Variants in QSER1 observed in about 807,000 individuals in gnomAD.
QSER1 encodes the protein glutamine and serine rich 1, also known as glutamine and serine-rich protein 1.
A neutral mutation model predicts 158.5 loss-of-function variants in QSER1; 49 were observed. That is an observed-to-expected ratio of 0.31 (90% CI 0.25 to 0.39). The LOEUF (loss-of-function observed/expected upper bound fraction) is 0.39, where lower values mean the gene tolerates loss of function less well. Among genes scored for constraint, QSER1 ranks in the 10% least tolerant of loss-of-function variants. The pLI is 1.00. For missense variants in QSER1, 1,754 were observed against 2,010.3 expected (o/e 0.87, Z 2.44); for synonymous variants, 650 against 715.5 (o/e 0.91, Z 1.46).
chr11:32,938,209 T>C (rs760818816), intron 4 of QSER1, among the ~76,000 whole-genome samples: 6 of 152,182 alleles, frequency 3.9e-5, no homozygotes, highest in Non-Finnish European at 8.8e-5. Flanking sequence ...AGTCAGTATA[T>C]AGTAACCTCT....
intron 10 of QSER1, among the ~76,000 whole-genome samples, chr11:32,971,172 C>T (rs1018988185): frequency 2.6e-5 from 4 of 151,938 alleles, no homozygotes; most frequent in Non-Finnish European, 5.9e-5. Flanking sequence ...CCTGCCTCTG[C>T]CTCCCAAAGT....
chr11:32,967,487 GT>G (rs34954676), intron 9 of QSER1, among the ~76,000 whole-genome samples: 14,660 of 151,940 alleles, frequency 0.096, 948 homozygotes, highest in Non-Finnish European at 0.14. Context: ...TTTTTAAAAA[GT>G]TTTTTTTAAA....
At chr11:32,906,298 T>C (rs1036360683) in intron 1 of QSER1, among the ~76,000 whole-genome samples, 1 of 152,054 alleles carries the variant, frequency 6.6e-6, no homozygotes, top group Non-Finnish European at 1.5e-5. Flanking sequence ...GGTGCATGCC[T>C]GTAATCCCAG....
rs761061385 is a variant in QSER1, at chr11:32,935,207, T to G, written c.3949T>G (p.Cys1317Gly). 6.2e-7 allele frequency: 1 copy of G among 1,614,024 alleles called. No individual in the cohort carries two copies. The highest frequency in any genetic ancestry group is 8.5e-7 in the Non-Finnish European group (1 of 1,179,932). ...RPGTQMVRTF[C>G]PPPLPKPSST... ...AGGGACCCAGATGGTTCGTACATTT[T>G]GTCCCCCACCACTTCCCAAGCCTTC... Residue 1317 changes from cysteine (C) to glycine (G), a missense_variant, in exon 4 of 13, where the codon TGT becomes GGT. Physicochemically the swap from Cys to Gly is radical, Grantham distance 159 (BLOSUM62 -3). Around this residue, in one of 2 missense-constraint regions of QSER1, gnomAD observed 1,707 missense variants for 1,919.6 expected, o/e 0.89. Coordinates refer to ENST00000650167, the MANE Select transcript of QSER1 (RefSeq NM_001076786.3).
chr11:32,929,166 C>A (rs1852013167), intron 3 of QSER1, among the ~76,000 whole-genome samples: 1 of 152,098 alleles, frequency 6.6e-6, no homozygotes. Context: ...GGCTGGAGTG[C>A]AATGGCACAA....
chr11:32,966,040 C>G (rs1302071686), intron 8 of QSER1, among the ~76,000 whole-genome samples: 1 of 151,314 alleles, frequency 6.6e-6, no homozygotes, highest in Non-Finnish European at 1.5e-5. Flanking sequence ...ATCACCCTAC[C>G]ACGACCACCA....
chr11:32,944,563 A>T (rs1207875937), intron 4 of QSER1, among the ~76,000 whole-genome samples: 39 of 151,876 alleles, frequency 2.6e-4, no homozygotes, highest in African/African-American at 9.4e-4. Flanking sequence ...AGATTCTTAA[A>T]CCTGAGTTCT....
Position 32,928,066 on chromosome 11 carries a change from G to C in QSER1, c.427G>C (p.Ala143Pro), listed in dbSNP as rs201919670. ...LSTAESRTAQAAASGTTLLPQ... is the reference protein window; with the variant it reads ...LSTAESRTAQPAASGTTLLPQ... ...TACTGCTGAATCCCGAACTGCTCAG[G>C]CTGCTGCTTCAGGAACTACTCTCTT... The change falls in exon 3 of 13, where the codon GCT becomes CCT. Residue 143 changes from alanine to proline, a missense_variant. Physicochemically the swap from Ala to Pro is conservative, Grantham distance 27. This residue lies in a region of QSER1 where 1,707 missense variants were observed against 1,919.6 expected (regional missense o/e 0.89). Coordinates refer to ENST00000650167, the MANE Select transcript of QSER1 (RefSeq NM_001076786.3). 21 of 1,613,870 alleles carry C rather than the reference G, an allele frequency of 1.3e-5. No homozygotes were observed. The highest frequency in any genetic ancestry group is 1.7e-5 in the Non-Finnish European group (20 of 1,179,852).
Position 32,931,904 on chromosome 11 carries a change from A to G in QSER1, c.646A>G (p.Thr216Ala), listed in dbSNP as rs781195205. The stretch of plus-strand genomic sequence containing the variant: ...GGTGCTTCAGGATTCAACTTTTAAC[A>G]CTACATCAAATGGAATTTTAAGTCA... Reference protein sequence around the residue: ...PLVLQDSTFNTTSNGILSHHD... With the variant: ...PLVLQDSTFNATSNGILSHHD... The change falls in exon 4 of 13, where the codon ACT becomes GCT. Residue 216 changes from threonine (T) to alanine (A), a missense_variant. Physicochemically the swap from Thr to Ala is moderately conservative, Grantham distance 58 (BLOSUM62 0). This residue lies in a region of QSER1 where 1,707 missense variants were observed against 1,919.6 expected (regional missense o/e 0.89). Coordinates refer to ENST00000650167, the MANE Select transcript of QSER1 (RefSeq NM_001076786.3). The G allele has an allele frequency of 8.1e-6, 13 of 1,614,036 alleles. No homozygotes were observed. Among genetic ancestry groups the G allele is most frequent in the African/African-American group, 5.3e-5 (4 of 74,938 alleles).
chr11:32,904,256 A>G (rs2249555), intron 1 of QSER1, among the ~76,000 whole-genome samples: 124,644 of 150,608 alleles, frequency 0.83, 51,908 homozygotes, highest in East Asian at 0.99. Flanking sequence ...GCAGTGGTGC[A>G]ATCTCAGCTC....
chr11:32,947,933 A>G (rs760314317), intron 4 of QSER1, among the ~76,000 whole-genome samples: 10 of 152,064 alleles, frequency 6.6e-5, no homozygotes, highest in South Asian at 2.1e-4. Flanking sequence ...GTATTTTTCC[A>G]TATCTATGTT....
At chr11:32,942,058 C>T (rs567411522) in intron 4 of QSER1, among the ~76,000 whole-genome samples, 2,089 of 145,320 alleles carry the variant, frequency 0.014, 17 homozygotes, top group South Asian at 0.026. Context: ...TCATGTCCTT[C>T]GCCCACTTTT....
intron 4 of QSER1, among the ~76,000 whole-genome samples, chr11:32,941,391 C>G (rs538784893): frequency 3.0e-4 from 40 of 131,386 alleles, no homozygotes; most frequent in Middle Eastern, 3.8e-3. Context: ...CCCTCCACCC[C>G]CCACAACAGT....
At chr11:32,950,676 A>G (rs1395507443) in intron 4 of QSER1, among the ~76,000 whole-genome samples, 1 of 152,206 alleles carries the variant, frequency 6.6e-6, no homozygotes, top group Non-Finnish European at 1.5e-5. Flanking sequence ...TAAGGAGTCC[A>G]TTCCCATACC....
intron 1 of QSER1, among the ~76,000 whole-genome samples, chr11:32,913,178 C>CTTTTTT: frequency 8.5e-6 from 1 of 118,338 alleles, no homozygotes; most frequent in African/African-American, 3.4e-5. Flanking sequence ...TTCTCCTCTT[C>CTTTTTT]CTTTTTTTTT....
rs1851685101 is a variant in QSER1, at chr11:32,905,862, A to G, written c.209+12528A>G. ...AAGCATATTTCACAGTATGTCTACT[A>G]TTTGCTCTTAACAGATATGCTTATT... On this transcript the variant is annotated intron_variant, in intron 1 of 12. Coordinates refer to ENST00000650167, the MANE Select transcript of QSER1 (RefSeq NM_001076786.3). Among the ~76,000 whole-genome samples, 4 of 152,156 alleles carry G rather than the reference A, an allele frequency of 2.6e-5. No homozygotes were observed. In the South Asian group the frequency reaches 8.3e-4, roughly 31 times the overall value.
At chr11:32,964,729 T>TACACACAC (rs1564946395) in intron 8 of QSER1, among the ~76,000 whole-genome samples, 2 of 115,060 alleles carry the variant, frequency 1.7e-5, no homozygotes, top group East Asian at 2.3e-4. Flanking sequence ...TATATATATA[T>TACACACAC]ATATATATAT....
At position 32,969,050 on chromosome 11, in the gene QSER1, G is replaced by T. The variant is rs1386652331; in HGVS notation, c.5112G>T (p.Glu1704Asp). 5 of 1,528,428 alleles carry T rather than the reference G, an allele frequency of 3.3e-6. No homozygotes were observed. The allele number at this position is 1,528,428 out of a possible 1,614,324, so 94.7% of individuals were successfully genotyped here. The change falls in exon 10 of 13, where the codon GAG (glutamate) becomes GAT (aspartate). Residue 1704 changes from glutamate to aspartate, a missense_variant. Physicochemically the swap from Glu to Asp is conservative, Grantham distance 45. Coordinates refer to ENST00000650167, the MANE Select transcript of QSER1 (RefSeq NM_001076786.3). ...TAAATTATAATGTTGTTTCAGATGAGCTACTTTTACCTCATATGAAAAAAA... is the reference window on the plus strand; with the variant it reads ...TAAATTATAATGTTGTTTCAGATGATCTACTTTTACCTCATATGAAAAAAA... Reference protein sequence around the residue: ...TMQALEKSNDELLLPHMKKID... With the variant: ...TMQALEKSNDDLLLPHMKKID...
At chr11:32,908,193 A>G (rs1564926663) in intron 1 of QSER1, among the ~76,000 whole-genome samples, 1 of 152,242 alleles carries the variant, frequency 6.6e-6, no homozygotes, top group Non-Finnish European at 1.5e-5. Flanking sequence ...CAGAAGAAAG[A>G]TTGATAATGC....
Sources: gnomAD v4.1 joint callset for allele counts (sites outside exome capture counted in the v4.1 genomes callset) on GRCh38, gnomAD v4.1.1 for gene constraint, gnomAD v4.1.1 regional missense constraint, MANE v1.5 for transcripts, NCBI Gene and HGNC (gene_info 2026-07-23, HGNC 2026-07-21) for gene names.